PCDHA7: variants seen among roughly 807,000 people sequenced by gnomAD.
PCDHA7 encodes the protein protocadherin alpha 7, also known as protocadherin alpha-7.
Under a neutral mutation model 57.2 loss-of-function variants are expected in PCDHA7, and 37 were observed. The ratio of observed to expected loss-of-function variants is 0.65; its 90% CI spans 0.50 to 0.85. The LOEUF (loss-of-function observed/expected upper bound fraction) is 0.85, where lower values mean the gene tolerates loss of function less well. Among genes scored for constraint, PCDHA7 ranks in the 40% least tolerant of loss-of-function variants. The pLI, the probability that PCDHA7 is intolerant of heterozygous loss-of-function variation, is 0.00. For synonymous variants in PCDHA7, 553 were observed against 558.8 expected (o/e 0.99, Z 0.15); for missense variants, 1,188 against 1,241.8 (o/e 0.96, Z 0.65).
chr5:140,864,689 C>A (rs970922865), intron 1 of PCDHA7: 4 of 152,202 alleles, frequency 2.6e-5, no homozygotes, highest in African/African-American at 7.2e-5. Context: ...TGCTGTCCTC[C>A]AGTTTAAGTT....
intron 1 of PCDHA7, among the ~76,000 whole-genome samples, chr5:140,900,283 C>A (rs1325528461): frequency 6.6e-6 from 1 of 151,666 alleles, no homozygotes; most frequent in Non-Finnish European, 1.5e-5. Flanking sequence ...ACCACACTTT[C>A]TTTTCTGTTT....
At chr5:140,966,374 C>A in intron 1 of PCDHA7, 1 of 405,174 alleles carries the variant, frequency 2.5e-6, no homozygotes, top group South Asian at 1.3e-4. Flanking sequence ...GCTGAGCAGT[C>A]CGGGTTCGCT....
At position 140,877,504 on chromosome 5, in the gene PCDHA7, A is replaced by T. The variant is rs532509235; in HGVS notation, c.2355+40766A>T. The T allele has an allele frequency of 1.1e-5, 18 of 1,613,764 alleles. No individual in the cohort carries two copies. The South Asian group carries it at 1.3e-4, about 12-fold the overall frequency. On this transcript the variant is annotated intron_variant, in intron 1 of 3. Coordinates refer to ENST00000525929, the MANE Select transcript of PCDHA7 (RefSeq NM_018910.3). ...GGTGGAGAACGGCCAGGCCCCAAAG[A>T]CGTCGTCGCGGGCCTCAGTGGGCGC...
At chr5:140,872,211 T>C (rs2053549148) in intron 1 of PCDHA7, among the ~76,000 whole-genome samples, 1 of 152,218 alleles carries the variant, frequency 6.6e-6, no homozygotes, top group South Asian at 2.1e-4. Flanking sequence ...ATTCATTATA[T>C]ATGAAACAAT....
intron 1 of PCDHA7, among the ~76,000 whole-genome samples, chr5:140,974,630 A>G (rs1252889789): frequency 6.7e-6 from 1 of 149,794 alleles, no homozygotes; most frequent in Non-Finnish European, 1.5e-5. Context: ...TCCTGCCTCA[A>G]CCTCCCGAGT....
intron 1 of PCDHA7, among the ~76,000 whole-genome samples, chr5:140,909,836 C>T (rs2074710574): frequency 6.6e-6 from 1 of 152,176 alleles, no homozygotes; most frequent in South Asian, 2.1e-4. Flanking sequence ...ACTGGAGGAC[C>T]ACCAGGACGT....
At chr5:140,875,342 A>G in intron 1 of PCDHA7, 1 of 1,443,152 alleles carries the variant, frequency 6.9e-7, no homozygotes, top group South Asian at 1.5e-5. Flanking sequence ...GATCGACTCC[A>G]TAATGACTGT....
chr5:141,010,612 A>C lies in PCDHA7; in HGVS notation c.*675A>C. Reference sequence around the variant, plus strand: ...GTTGGCTGTGACGTCATTATACCTAAAATCTGCATCATACCTGCAAGCCAA... The same window carrying C: ...GTTGGCTGTGACGTCATTATACCTACAATCTGCATCATACCTGCAAGCCAA... On this transcript the variant is annotated 3_prime_UTR_variant, in exon 4 of 4. Transcript: ENST00000525929. 1 of 196,976 alleles carries C rather than the reference A, an allele frequency of 5.1e-6. No individual in the cohort carries two copies. The highest frequency in any genetic ancestry group is 1.0e-5 in the Non-Finnish European group (1 of 95,484). 12.2% of individuals were successfully genotyped at this position (196,976 alleles called of 1,614,324 possible). A position where few individuals can be genotyped will look rare whatever the true frequency, so the allele number is the denominator to read the frequency against.
chr5:140,934,612 T>G (rs2089946859), intron 1 of PCDHA7, among the ~76,000 whole-genome samples: 1 of 152,184 alleles, frequency 6.6e-6, no homozygotes, highest in South Asian at 2.1e-4. Flanking sequence ...TTGATTAGCC[T>G]GAGGTACAGT....
chr5:140,863,212 C>A, intron 1 of PCDHA7: 1 of 1,051,288 alleles, frequency 9.5e-7, no homozygotes, highest in Non-Finnish European at 1.4e-6. Flanking sequence ...GGAGAGCAGC[C>A]AAGCGAGGAA....
chr5:140,972,660 ATTTT>A (rs11350929), intron 1 of PCDHA7, among the ~76,000 whole-genome samples: 1 of 117,264 alleles, frequency 8.5e-6, no homozygotes. Flanking sequence ...AAGAAACCAA[ATTTT>A]TTTTTTTTTT....
intron 1 of PCDHA7, chr5:140,968,494 C>G (rs782064203): frequency 1.2e-6 from 2 of 1,614,096 alleles, no homozygotes; most frequent in South Asian, 2.2e-5. Flanking sequence ...ATGACCATGC[C>G]CCTCACATTC....
chr5:140,882,739 A>C (rs781997612), intron 1 of PCDHA7: 1 of 1,614,142 alleles, frequency 6.2e-7, no homozygotes, highest in East Asian at 2.2e-5. Flanking sequence ...TAGATGGCGC[A>C]TCCGATGCAG....
chr5:140,901,146 C>T (rs1463079898), intron 1 of PCDHA7, among the ~76,000 whole-genome samples: 1 of 152,062 alleles, frequency 6.6e-6, no homozygotes, highest in Admixed American at 6.6e-5. Context: ...AATATTTTCT[C>T]TCAATCTGTG....
chr5:140,996,814 G>T (rs1186688734), intron 3 of PCDHA7, among the ~76,000 whole-genome samples: 1 of 152,144 alleles, frequency 6.6e-6, no homozygotes, highest in African/African-American at 2.4e-5. Flanking sequence ...CTTTCCAAAA[G>T]TAACCACTAC....
intron 1 of PCDHA7, among the ~76,000 whole-genome samples, chr5:140,906,435 C>T (rs2072652869): frequency 6.6e-6 from 1 of 152,120 alleles, no homozygotes; most frequent in Non-Finnish European, 1.5e-5. Flanking sequence ...ACATGATAAA[C>T]AAGAAAGGAA....
chr5:140,967,786 G>A, intron 1 of PCDHA7: 1 of 1,614,216 alleles, frequency 6.2e-7, no homozygotes, highest in East Asian at 2.2e-5. Context: ...CGACTGACCG[G>A]GGTCCAGTGC....
At chr5:140,993,817 T>C (rs1467199618) in intron 3 of PCDHA7, among the ~76,000 whole-genome samples, 2 of 152,240 alleles carry the variant, frequency 1.3e-5, no homozygotes, top group Non-Finnish European at 2.9e-5. Context: ...CTAGGAGCAA[T>C]AGGCTATACC....
At chr5:140,929,330 G>A (rs2086062257) in intron 1 of PCDHA7, 1 of 1,535,218 alleles carries the variant, frequency 6.5e-7, no homozygotes, top group Non-Finnish European at 8.8e-7. Flanking sequence ...GCCATGGTAA[G>A]CAAATTTTAT....
Sources: allele counts gnomAD v4.1 joint callset (sites outside exome capture counted in the v4.1 genomes callset), GRCh38; gene constraint gnomAD v4.1.1; transcripts MANE v1.5; gene names NCBI Gene and HGNC (gene_info 2026-07-23, HGNC 2026-07-21).